Variants in CACNG3 observed in about 807,000 individuals in gnomAD.
CACNG3 encodes voltage-dependent calcium channel gamma-3 subunit.
CACNG3 carries 3 observed loss-of-function variants against 28.5 expected under a neutral mutation model. The ratio of observed to expected loss-of-function variants is 0.11; its 90% confidence interval spans 0.05 to 0.27. The LOEUF (loss-of-function observed/expected upper bound fraction) is 0.27. CACNG3 is among the 10% of genes least tolerant of loss of function. The probability of loss-of-function intolerance (pLI) is 1.00; values close to 1 mark genes in which losing one functional copy is unlikely to be tolerated. For missense variants in CACNG3, 236 were observed against 414.4 expected (o/e 0.57, Z 3.74); for synonymous variants, 174 against 162.2 (o/e 1.07, Z -0.55).
chr16:24,308,920 A>G (rs977996363), intron 1 of CACNG3, among the ~76,000 whole-genome samples: 2 of 151,958 alleles, frequency 1.3e-5, no homozygotes, highest in African/African-American at 2.4e-5. Flanking sequence ...GTAAAAGTGA[A>G]CAATTTAAAA....
intron 1 of CACNG3, among the ~76,000 whole-genome samples, chr16:24,285,624 T>A (rs947573291): frequency 6.6e-6 from 1 of 152,138 alleles, no homozygotes; most frequent in Non-Finnish European, 1.5e-5. Context: ...AAGTCTAGCC[T>A]GGGCAACATG....
At chr16:24,288,032 A>AG (rs1335946202) in intron 1 of CACNG3, among the ~76,000 whole-genome samples, 1 of 152,230 alleles carries the variant, frequency 6.6e-6, no homozygotes, top group Admixed American at 6.5e-5. Context: ...ACATGTATTG[A>AG]GGGCCTACTT....
intron 1 of CACNG3, among the ~76,000 whole-genome samples, chr16:24,327,154 GC>G (rs947822334): frequency 1.7e-5 from 1 of 58,550 alleles, no homozygotes; most frequent in Non-Finnish European, 3.2e-5. Context: ...AAAAAAAAAA[GC>G]CATAGCAATG....
chr16:24,325,922 T>A (rs949537865), intron 1 of CACNG3, among the ~76,000 whole-genome samples: 1 of 152,232 alleles, frequency 6.6e-6, no homozygotes, highest in African/African-American at 2.4e-5. Context: ...ACATAAGCTA[T>A]TGGCTGATGG....
intron 3 of CACNG3, among the ~76,000 whole-genome samples, chr16:24,356,467 C>A (rs1327034038): frequency 6.6e-6 from 1 of 151,322 alleles, no homozygotes; most frequent in Admixed American, 6.6e-5. Context: ...TTTGGAAGGC[C>A]GAGGCAGAAG....
intron 2 of CACNG3, among the ~76,000 whole-genome samples, chr16:24,350,574 T>G (rs543135011): frequency 3.5e-4 from 54 of 152,214 alleles, no homozygotes; most frequent in Non-Finnish European, 6.5e-4. Flanking sequence ...AGTGCTGAGA[T>G]TACAGGCGTG....
At chr16:24,265,288 GAGGA>G (rs1055391018) in intron 1 of CACNG3, among the ~76,000 whole-genome samples, 19 of 141,490 alleles carry the variant, frequency 1.3e-4, no homozygotes, top group Non-Finnish European at 2.1e-4. Context: ...GGAAGGAAGG[GAGGA>G]AGGAAGGAAG....
At chr16:24,321,859 ACT>A (rs1225197245) in intron 1 of CACNG3, among the ~76,000 whole-genome samples, 1 of 152,122 alleles carries the variant, frequency 6.6e-6, no homozygotes, top group Non-Finnish European at 1.5e-5. Flanking sequence ...TACTGTTGTT[ACT>A]CTCTTACTGT....
intron 1 of CACNG3, among the ~76,000 whole-genome samples, chr16:24,333,120 T>C (rs1210585939): frequency 6.6e-6 from 1 of 152,174 alleles, no homozygotes; most frequent in African/African-American, 2.4e-5. Flanking sequence ...GCTGTGAAAG[T>C]CAAACTTTAT....
At chr16:24,284,340 C>A (rs1898867195) in intron 1 of CACNG3, among the ~76,000 whole-genome samples, 1 of 152,084 alleles carries the variant, frequency 6.6e-6, no homozygotes, top group Admixed American at 6.5e-5. Context: ...GGGCCTGGGG[C>A]CTTTTTGAAA....
At chr16:24,259,612 C>T (rs1286019790) in intron 1 of CACNG3, among the ~76,000 whole-genome samples, 1 of 151,898 alleles carries the variant, frequency 6.6e-6, no homozygotes, top group Admixed American at 6.6e-5. Context: ...TTATTTTATC[C>T]AAAAGAAGAG....
intron 1 of CACNG3, among the ~76,000 whole-genome samples, chr16:24,307,275 C>G (rs1054140620): frequency 2.0e-5 from 3 of 152,148 alleles, no homozygotes; most frequent in African/African-American, 4.8e-5. Context: ...GCACACACCA[C>G]CATACCCAGC....
chr16:24,347,541 G>C (rs552648320), intron 2 of CACNG3, among the ~76,000 whole-genome samples: 1 of 152,306 alleles, frequency 6.6e-6, no homozygotes, highest in South Asian at 2.1e-4. Flanking sequence ...GCTAATGGCA[G>C]AGTGCTAATG....
At chr16:24,345,248 G>A (rs995973476) in intron 1 of CACNG3, among the ~76,000 whole-genome samples, 19 of 152,042 alleles carry the variant, frequency 1.2e-4, no homozygotes, top group African/African-American at 4.1e-4. Context: ...CACAATGCCC[G>A]CCCCCCTGAT....
intron 1 of CACNG3, among the ~76,000 whole-genome samples, chr16:24,323,109 C>T (rs1395519434): frequency 1.3e-5 from 2 of 151,310 alleles, no homozygotes; most frequent in African/African-American, 4.9e-5. Context: ...TGCCTGTAGT[C>T]CCAGCTACTC....
intron 1 of CACNG3, among the ~76,000 whole-genome samples, chr16:24,270,472 A>G (rs936526649): frequency 6.6e-6 from 1 of 152,246 alleles, no homozygotes; most frequent in African/African-American, 2.4e-5. Flanking sequence ...GAAAGATCAA[A>G]TCAAGAGGCA....
intron 1 of CACNG3, among the ~76,000 whole-genome samples, chr16:24,276,770 G>A (rs1596624170): frequency 6.6e-6 from 1 of 152,176 alleles, no homozygotes; most frequent in East Asian, 1.9e-4. Flanking sequence ...ATAGCATCTT[G>A]TGTCTTTGTT....
At chr16:24,355,240 G>A (rs1046021365) in intron 3 of CACNG3, among the ~76,000 whole-genome samples, 2 of 152,114 alleles carry the variant, frequency 1.3e-5, no homozygotes, top group Non-Finnish European at 2.9e-5. Context: ...GAAAGGGGCA[G>A]GAGAGAGAAA....
intron 1 of CACNG3, among the ~76,000 whole-genome samples, chr16:24,260,528 C>T (rs1413221962): frequency 6.6e-6 from 1 of 152,238 alleles, no homozygotes; most frequent in East Asian, 1.9e-4. Flanking sequence ...GCAGGCAATA[C>T]TTAACCTTAG....
Sources: gnomAD v4.1 joint callset for allele counts (sites outside exome capture counted in the v4.1 genomes callset) on GRCh38, gnomAD v4.1.1 for gene constraint, MANE v1.5 for transcripts, NCBI Gene and HGNC (gene_info 2026-07-23, HGNC 2026-07-21) for gene names.